The following GRID2 variants were observed in gnomAD, a reference collection of about 807,000 sequenced individuals.
The protein encoded by GRID2 is glutamate receptor ionotropic, delta-2.
GRID2 carries 33 observed loss-of-function variants against 114.8 expected under a neutral mutation model. That is an observed-to-expected ratio of 0.29 (90% CI 0.22 to 0.38). The LOEUF is 0.38. Ranked by LOEUF, GRID2 falls within the 10% of genes least tolerant of loss-of-function variation. The probability of loss-of-function intolerance (pLI) is 1.00; values close to 1 mark genes in which losing one functional copy is unlikely to be tolerated. For synonymous variants in GRID2, 505 were observed against 449.9 expected (o/e 1.12, Z -1.55); for missense variants, 1,184 against 1,257.7 (o/e 0.94, Z 0.89).
Position 92,304,625 on chromosome 4 carries a change from T to C in GRID2, c.-32T>C, listed in dbSNP as rs762800399. 2.1e-6 allele frequency: 3 copies of C among 1,459,284 alleles called. No homozygotes were observed. Among genetic ancestry groups the C allele is most frequent in the South Asian group, 1.2e-5 (1 of 86,902 alleles). 90.4% of individuals were successfully genotyped at this position (1,459,284 alleles called of 1,614,324 possible). On this transcript the variant is annotated 5_prime_UTR_variant, in exon 1 of 16. Coordinates refer to ENST00000282020, the MANE Select transcript of GRID2 (RefSeq NM_001510.4). ...TGAAAAAAAAAAAATTGGAAGAAAA[T>C]CCATCCTCCAAGAGAATCGGCATAG... is the stretch of plus-strand genomic sequence containing the variant.
Position 93,471,698 on chromosome 4 carries a change from A to ATTTT in GRID2, c.1858+15738_1858+15741dup, listed in dbSNP as rs897411033. Among the ~76,000 whole-genome samples, 158 of 61,000 alleles carry ATTTT rather than the reference A, an allele frequency of 2.6e-3. 36 individuals carry two copies. The highest frequency in any genetic ancestry group is 6.3e-3 in the South Asian group (12 of 1,894). 40.0% of individuals were successfully genotyped at this position (61,000 alleles called of 152,430 possible). A position where few individuals can be genotyped will look rare whatever the true frequency, so the allele number is the denominator to read the frequency against. ...ATTGTTATTTCTTCTCCTGAATTCAATTTTTTTTTTTTTTTTTGGAGACGG... is the reference window on the plus strand; with the variant it reads ...ATTGTTATTTCTTCTCCTGAATTCAATTTTTTTTTTTTTTTTTTTTTGGAGACGG... On this transcript the variant is annotated intron_variant, in intron 11 of 15. Coordinates refer to ENST00000282020, the MANE Select transcript of GRID2 (RefSeq NM_001510.4).
chr4:93,552,570 T>C (rs1444145891), intron 13 of GRID2, among the ~76,000 whole-genome samples: 4 of 152,200 alleles, frequency 2.6e-5, no homozygotes, highest in Non-Finnish European at 5.9e-5. Flanking sequence ...GTGGTCGCCA[T>C]TCTAACTGGT....
intron 2 of GRID2, among the ~76,000 whole-genome samples, chr4:92,928,154 G>A (rs1367364368): frequency 1.3e-5 from 2 of 151,666 alleles, no homozygotes; most frequent in East Asian, 1.9e-4. Context: ...CCAGATACAG[G>A]TGCAATAGAA....
At chr4:92,741,521 T>C (rs1257128363) in intron 2 of GRID2, among the ~76,000 whole-genome samples, 4 of 152,180 alleles carry the variant, frequency 2.6e-5, no homozygotes, top group African/African-American at 7.2e-5. Context: ...TGCTCCATCA[T>C]TGAAAGTCTT....
chr4:92,773,985 G>A (rs945667266), intron 2 of GRID2, among the ~76,000 whole-genome samples: 4 of 152,072 alleles, frequency 2.6e-5, no homozygotes, highest in East Asian at 1.9e-4. Context: ...AGAAAACTAC[G>A]TTTCATTACC....
chr4:93,745,594 G>A (rs1731776241), intron 14 of GRID2, among the ~76,000 whole-genome samples: 2 of 151,998 alleles, frequency 1.3e-5, no homozygotes, highest in African/African-American at 4.8e-5. Flanking sequence ...AGTTAATGAA[G>A]CTCTGAAAGT....
At chr4:92,523,050 A>C (rs1724867138) in intron 1 of GRID2, among the ~76,000 whole-genome samples, 1 of 151,990 alleles carries the variant, frequency 6.6e-6, no homozygotes, top group South Asian at 2.1e-4. Flanking sequence ...GAGAACAGTT[A>C]ATAGTTTTGT....
At chr4:92,402,335 T>A (rs1195081590) in intron 1 of GRID2, among the ~76,000 whole-genome samples, 1 of 152,132 alleles carries the variant, frequency 6.6e-6, no homozygotes, top group Non-Finnish European at 1.5e-5. Flanking sequence ...GTATCTAGAG[T>A]GGAGAATCCT....
intron 14 of GRID2, among the ~76,000 whole-genome samples, chr4:93,687,275 G>A (rs1038298464): frequency 2.0e-5 from 3 of 152,020 alleles, no homozygotes; most frequent in Non-Finnish European, 4.4e-5. Context: ...AGGTTGCAAT[G>A]GGGGTGGAAG....
intron 8 of GRID2, among the ~76,000 whole-genome samples, chr4:93,382,137 T>TA (rs1763911828): frequency 6.6e-6 from 1 of 152,148 alleles, no homozygotes; most frequent in African/African-American, 2.4e-5. Context: ...CAAAAATCCC[T>TA]TGTATGTGAT....
chr4:92,694,295 C>A (rs1457057295), intron 2 of GRID2, among the ~76,000 whole-genome samples: 2 of 152,154 alleles, frequency 1.3e-5, no homozygotes, highest in Non-Finnish European at 2.9e-5. Flanking sequence ...AACACTGCAG[C>A]TCTTCCAGGG....
At chr4:93,036,064 TG>T (rs1268283518) in intron 2 of GRID2, among the ~76,000 whole-genome samples, 2 of 152,174 alleles carry the variant, frequency 1.3e-5, no homozygotes, top group African/African-American at 4.8e-5. Context: ...AAATTCCTGT[TG>T]CTGGAGACGT....
intron 2 of GRID2, among the ~76,000 whole-genome samples, chr4:92,795,138 G>A (rs982556862): frequency 4.6e-5 from 7 of 151,472 alleles, no homozygotes; most frequent in Non-Finnish European, 7.4e-5. Context: ...CAGAACAGGT[G>A]GAGGAGGTGG....
intron 2 of GRID2, among the ~76,000 whole-genome samples, chr4:92,861,839 A>C (rs1744555700): frequency 6.6e-6 from 1 of 151,998 alleles, no homozygotes; most frequent in African/African-American, 2.4e-5. Context: ...TCATTGAAAT[A>C]TTGCAAATGT....
At chr4:92,411,655 G>GTATGTATGTATGTATATATATATATA (rs1553932383) in intron 1 of GRID2, among the ~76,000 whole-genome samples, 1 of 84,724 alleles carries the variant, frequency 1.2e-5, no homozygotes, top group Admixed American at 1.2e-4. Context: ...GTGTGTGTGT[G>GTATGTATGTATGTATATATATATATA]TATATATATA....
chr4:92,417,866 T>G (rs550523870), intron 1 of GRID2, among the ~76,000 whole-genome samples: 1 of 152,224 alleles, frequency 6.6e-6, no homozygotes, highest in East Asian at 1.9e-4. Context: ...ATAAGTCTCA[T>G]GCGATCTGAC....
At chr4:93,353,198 C>A (rs1380242901) in intron 8 of GRID2, among the ~76,000 whole-genome samples, 1 of 151,964 alleles carries the variant, frequency 6.6e-6, no homozygotes, top group Non-Finnish European at 1.5e-5. Context: ...TAAGAAGATT[C>A]TGTGGAAACT....
chr4:93,007,181 G>T (rs1029637624), intron 2 of GRID2, among the ~76,000 whole-genome samples: 2 of 152,018 alleles, frequency 1.3e-5, no homozygotes, highest in African/African-American at 4.8e-5. Flanking sequence ...TGCCACTGGG[G>T]AAGGAAATGA....
chr4:92,789,118 G>A (rs28409430), intron 2 of GRID2, among the ~76,000 whole-genome samples: 26,850 of 151,658 alleles, frequency 0.18, 2,709 homozygotes, highest in Middle Eastern at 0.27. Flanking sequence ...TATTATTTCA[G>A]TGTCTTTCAG....
Sources: gnomAD v4.1 joint callset for allele counts (sites outside exome capture counted in the v4.1 genomes callset) on GRCh38, gnomAD v4.1.1 for gene constraint, MANE v1.5 for transcripts, NCBI Gene and HGNC (gene_info 2026-07-23, HGNC 2026-07-21) for gene names.